Variants in CUTC observed in about 807,000 individuals in gnomAD.
The protein encoded by CUTC is copper homeostasis protein cutC homolog.
Under a neutral mutation model 36.2 loss-of-function variants are expected in CUTC, and 27 were observed. The ratio of observed to expected loss-of-function variants is 0.75; its 90% CI spans 0.55 to 1.03. The LOEUF (loss-of-function observed/expected upper bound fraction) is 1.03, where lower values mean the gene tolerates loss of function less well. CUTC is among the 50% of genes least tolerant of loss of function. The pLI, the probability that CUTC is intolerant of heterozygous loss-of-function variation, is 0.00. For missense variants in CUTC, 315 were observed against 343.5 expected, an observed-to-expected ratio of 0.92 and a Z score of 0.66; for synonymous variants, 114 against 118.3, an observed-to-expected ratio of 0.96 and a Z score of 0.24.
chr10:99,739,531 A>G (rs1014388240), intron 2 of CUTC, among the ~76,000 whole-genome samples, 179 bp from the exon 3 acceptor site: 1 of 152,222 alleles, frequency 6.6e-6, no homozygotes, highest in African/African-American at 2.4e-5. Context: ...GAGTAACACA[A>G]TGTGGGCTGC....
chr10:99,746,561 C>T (rs1279756776), intron 5 of CUTC, among the ~76,000 whole-genome samples: 1 of 151,864 alleles, frequency 6.6e-6, no homozygotes. Context: ...TTTATAATTA[C>T]TTTATATTGA....
chr10:99,743,746 T>C (rs553688868), intron 4 of CUTC, among the ~76,000 whole-genome samples: 1 of 152,342 alleles, frequency 6.6e-6, no homozygotes, highest in East Asian at 1.9e-4. Flanking sequence ...AAAGTACTTA[T>C]TGAATGACCT....
At chr10:99,753,144 A>G (rs780634240) in intron 7 of CUTC, among the ~76,000 whole-genome samples, 32 of 152,190 alleles carry the variant, frequency 2.1e-4, no homozygotes, top group Non-Finnish European at 4.4e-4. Flanking sequence ...TGTATTACCT[A>G]TGTACTTAAG....
In CUTC at chr10:99,739,771, T is replaced by A; in HGVS notation, c.193+2T>A. The A allele has an allele frequency of 6.2e-7, 1 of 1,607,426 alleles. No individual in the cohort carries two copies. The highest frequency in any genetic ancestry group is 1.1e-5 in the South Asian group (1 of 89,490). On this transcript the variant is annotated splice_donor_variant, in intron 3 of 8. Transcript: ENST00000370476. LOFTEE classifies it high-confidence loss of function. ...AGGGGGGAACTACACCCAGCATGGG[T>A]AAGTGTCCATTTTTCCCAGGTTTTC...
intron 2 of CUTC, among the ~76,000 whole-genome samples, chr10:99,737,589 T>G (rs1183872151): frequency 6.6e-6 from 1 of 152,176 alleles, no homozygotes; most frequent in Admixed American, 6.5e-5. Flanking sequence ...GTGTATATAC[T>G]AAAGAGTACT....
chr10:99,732,512 G>A (rs976213509), intron 1 of CUTC, 103 bp downstream of exon 1: 1 of 1,523,656 alleles, frequency 6.6e-7, no homozygotes, highest in Non-Finnish European at 8.8e-7. Context: ...CGTTTCCTCA[G>A]CTCCTTCCAG....
intron 2 of CUTC, among the ~76,000 whole-genome samples, chr10:99,737,715 G>A (rs746046318): frequency 7.9e-5 from 12 of 152,150 alleles, no homozygotes; most frequent in Non-Finnish European, 1.5e-4. Context: ...GCCAAAACAA[G>A]CTATGTGCCC....
In CUTC at chr10:99,732,423, CG is replaced by C. The variant is rs1200336285; in HGVS notation, c.61+19del. On this transcript the variant is annotated intron_variant, in intron 1 of 8. Coordinates refer to ENST00000370476, the MANE Select transcript of CUTC (RefSeq NM_015960.3). Reference sequence around the variant, plus strand: ...CCGGGAAGGCCGGTGCGGAAGGTGGCGGGGGAGGGGACGGTCGGCCGAAGGC... The same window carrying C: ...CCGGGAAGGCCGGTGCGGAAGGTGGCGGGGAGGGGACGGTCGGCCGAAGGC... 12 of 1,544,814 alleles carry C rather than the reference CG, an allele frequency of 7.8e-6. No individual in the cohort carries two copies. Among genetic ancestry groups the C allele is most frequent in the African/African-American group, 2.7e-5 (2 of 72,764 alleles).
At chr10:99,745,792 G>A (rs1301514409) in intron 5 of CUTC, among the ~76,000 whole-genome samples, 2 of 152,240 alleles carry the variant, frequency 1.3e-5, no homozygotes, top group Admixed American at 1.3e-4. Context: ...GGGAGTCAGA[G>A]GTTGCAGTGA....
chr10:99,748,193 G>A (rs2037392959), intron 6 of CUTC, among the ~76,000 whole-genome samples: 1 of 152,246 alleles, frequency 6.6e-6, no homozygotes, highest in South Asian at 2.1e-4. Context: ...CTTTCCCCCT[G>A]TGTGAAACTG....
In CUTC at chr10:99,747,258, C is replaced by T. The variant is rs2037384490; in HGVS notation, c.441C>T (p.Ala147=). The T allele has an allele frequency of 6.2e-7, 1 of 1,611,992 alleles. No homozygotes were observed. The highest frequency in any genetic ancestry group is 1.3e-5 in the African/African-American group (1 of 74,792). ...CRPLPVTFHR[A]FDMVHDPMAA... ...TCACATCAGTTTTATTTATTTCAGC[C>T]TTTGACATGGTTCATGATCCAATGG... The change falls in exon 6 of 9, where the codon GCC becomes GCT. Residue 147 remains alanine (A), a splice_region_variant and synonymous_variant. Transcript: ENST00000370476.
intron 1 of CUTC, among the ~76,000 whole-genome samples, chr10:99,733,351 A>G: frequency 6.6e-6 from 1 of 152,156 alleles, no homozygotes; most frequent in Non-Finnish European, 1.5e-5. Flanking sequence ...TAAAATATTG[A>G]TTAGAAAATA....
intron 6 of CUTC, among the ~76,000 whole-genome samples, chr10:99,749,548 CTA>C (rs1564657648): frequency 6.6e-6 from 1 of 151,978 alleles, no homozygotes; most frequent in African/African-American, 2.4e-5. Flanking sequence ...TATTATTTCT[CTA>C]TGTTTTGGAA....
intron 8 of CUTC, among the ~76,000 whole-genome samples, chr10:99,755,184 A>G (rs1428340653): frequency 6.6e-6 from 1 of 152,136 alleles, no homozygotes; most frequent in Non-Finnish European, 1.5e-5. Flanking sequence ...GAAAAACACA[A>G]TGTAAAAGAA....
At chr10:99,735,811 T>C (rs1224621701) in intron 1 of CUTC, among the ~76,000 whole-genome samples, 2 of 152,248 alleles carry the variant, frequency 1.3e-5, no homozygotes, top group Admixed American at 6.5e-5. Context: ...CCTTGTTTTA[T>C]AGAAAACTTA....
intron 6 of CUTC, among the ~76,000 whole-genome samples, chr10:99,749,099 G>T (rs993014536): frequency 6.6e-6 from 1 of 152,160 alleles, no homozygotes. Flanking sequence ...ATGTGTGTGT[G>T]TATGTCTGTT....
In CUTC at chr10:99,735,101, C is replaced by CAAAAAAAA. The variant is rs56971127; in HGVS notation, c.62-1127_62-1120dup. Among the ~76,000 whole-genome samples the CAAAAAAAA allele has an allele frequency of 1.3e-4, 9 of 68,768 alleles. 1 individual carries two copies. Among genetic ancestry groups the CAAAAAAAA allele is most frequent in the African/African-American group, 3.6e-4 (6 of 16,802 alleles). 45.1% of individuals were successfully genotyped at this position (68,768 alleles called of 152,430 possible). A position where few individuals can be genotyped will look rare whatever the true frequency, so the allele number is the denominator to read the frequency against. On this transcript the variant is annotated intron_variant, in intron 1 of 8. Transcript: ENST00000370476. Reference sequence around the variant, plus strand: ...TGGGCGACAGAGCAAGACTCTGTATCAAAAAAAAAAAAAAAAAAAAAAAAA... The same window carrying CAAAAAAAA: ...TGGGCGACAGAGCAAGACTCTGTATCAAAAAAAAAAAAAAAAAAAAAAAAAAAAAAAAA...
At chr10:99,744,105 A>G (rs761415639) in intron 5 of CUTC, 33 bp downstream of exon 5, 1 of 1,583,204 alleles carries the variant, frequency 6.3e-7, no homozygotes. Flanking sequence ...GTTCTATTGA[A>G]CAGTGTTAGT....
rs373242921 is a variant in CUTC, at chr10:99,732,314, A to C, written c.-35A>C. 119 of 1,550,246 alleles carry C rather than the reference A, an allele frequency of 7.7e-5. 1 individual carries two copies. The Middle Eastern group carries it at 4.3e-3, about 56-fold the overall frequency. The stretch of plus-strand genomic sequence containing the variant: ...GCGCCGGAGCCCAAATTCCAAGTGG[A>C]AACTGCAGGCGCACGAGGGAGGAAC... On this transcript the variant is annotated 5_prime_UTR_variant, in exon 1 of 9. Transcript: ENST00000370476.
Sources: allele counts gnomAD v4.1 joint callset (sites outside exome capture counted in the v4.1 genomes callset), GRCh38; gene constraint gnomAD v4.1.1; transcripts MANE v1.5; gene names NCBI Gene and HGNC (gene_info 2026-07-23, HGNC 2026-07-21).